Variants in GAB2 observed in about 807,000 individuals in gnomAD.
GAB2 encodes the protein GRB2 associated binding protein 2.
Under a neutral mutation model 65.5 loss-of-function variants are expected in GAB2, and 26 were observed. The ratio of observed to expected loss-of-function variants is 0.40; its 90% CI spans 0.29 to 0.55. GAB2 has a LOEUF of 0.55. GAB2 is among the 20% of genes least tolerant of loss of function. The pLI, the probability that GAB2 is intolerant of heterozygous loss-of-function variation, is 0.53. For missense variants in GAB2, 884 were observed against 875.8 expected (o/e 1.01, Z -0.12); for synonymous variants, 321 against 329.6 (o/e 0.97, Z 0.28).
At chr11:78,324,630 C>G (rs749957742) in intron 1 of GAB2, 1 of 152,156 alleles carries the variant, frequency 6.6e-6, no homozygotes, top group Non-Finnish European at 1.5e-5. Context: ...ATGCTAGATG[C>G]CATGCTAAGT....
chr11:78,356,827 A>C (rs930826910), intron 1 of GAB2, among the ~76,000 whole-genome samples: 3 of 152,250 alleles, frequency 2.0e-5, no homozygotes, highest in Non-Finnish European at 4.4e-5. Flanking sequence ...CCTTAAAAGG[A>C]ATGGCATTCT....
intron 1 of GAB2, among the ~76,000 whole-genome samples, chr11:78,350,491 C>T (rs1211852412): frequency 6.6e-6 from 1 of 152,230 alleles, no homozygotes; most frequent in Non-Finnish European, 1.5e-5. Context: ...GATTGCTCTG[C>T]TGCCTGTTTA....
At chr11:78,391,934 G>C (rs1449853163) in intron 1 of GAB2, among the ~76,000 whole-genome samples, 2 of 152,162 alleles carry the variant, frequency 1.3e-5, no homozygotes, top group Admixed American at 1.3e-4. Flanking sequence ...CAGAGAAGCA[G>C]ACAGCTATAG....
chr11:78,369,021 C>T (rs1856534133), intron 1 of GAB2, among the ~76,000 whole-genome samples: 1 of 150,828 alleles, frequency 6.6e-6, no homozygotes, highest in South Asian at 2.1e-4. Context: ...GCCTGTAGTC[C>T]CAGCTACTCA....
In GAB2 at chr11:78,227,261, T is replaced by C. The variant is rs115307011; in HGVS notation, c.621-210A>G. 8.7e-3 allele frequency among the ~76,000 whole-genome samples: 1,322 copies of C among 152,292 alleles called. 19 individuals carry two copies. The highest frequency in any genetic ancestry group is 0.03 in the African/African-American group (1,256 of 41,560). On this transcript the variant is annotated intron_variant, in intron 3 of 9. Coordinates refer to ENST00000361507, the MANE Select transcript of GAB2 (RefSeq NM_080491.3). ...TCCCCCATCTCCAAATGGCAGTTAA[T>C]AGCAGGGGTTATAACCCCCACTCCC...
chr11:78,285,578 G>A (rs571656872), intron 1 of GAB2, among the ~76,000 whole-genome samples: 1 of 152,256 alleles, frequency 6.6e-6, no homozygotes, highest in African/African-American at 2.4e-5. Flanking sequence ...CGATTCTCCC[G>A]CCTCCGCCTC....
chr11:78,336,049 C>T (rs1020783619), intron 1 of GAB2, among the ~76,000 whole-genome samples: 4 of 151,940 alleles, frequency 2.6e-5, no homozygotes, highest in African/African-American at 9.7e-5. Flanking sequence ...CATGGTGGCT[C>T]ACACCTGCAA....
At chr11:78,270,949 A>G (rs533605181) in intron 2 of GAB2, among the ~76,000 whole-genome samples, 1 of 152,322 alleles carries the variant, frequency 6.6e-6, no homozygotes, top group Admixed American at 6.5e-5. Flanking sequence ...CAATGTTGAG[A>G]CTCAAGTGCA....
chr11:78,221,530 G>A, intron 8 of GAB2, 147 bp downstream of exon 8: 1 of 456,376 alleles, frequency 2.2e-6, no homozygotes, highest in South Asian at 3.8e-5. Flanking sequence ...AGGTGCTCAA[G>A]AAGGGTTTGT....
At chr11:78,365,336 T>A (rs1474425402) in intron 1 of GAB2, among the ~76,000 whole-genome samples, 1 of 152,218 alleles carries the variant, frequency 6.6e-6, no homozygotes, top group Non-Finnish European at 1.5e-5. Flanking sequence ...TCCCTTCTCC[T>A]TCTGCAGTGA....
At chr11:78,332,152 C>T (rs546973637) in intron 1 of GAB2, among the ~76,000 whole-genome samples, 147 of 152,086 alleles carry the variant, frequency 9.7e-4, no homozygotes, top group Middle Eastern at 9.5e-3. Context: ...TGACACAAGG[C>T]GGGAGGAAGA....
intron 2 of GAB2, among the ~76,000 whole-genome samples, chr11:78,266,492 C>CG (rs1477970010): frequency 6.6e-6 from 1 of 152,148 alleles, no homozygotes; most frequent in African/African-American, 2.4e-5. Context: ...CAGGAATACC[C>CG]GGAGTTGATT....
At position 78,227,022 on chromosome 11, in the gene GAB2, G is replaced by C. The variant is rs894008712; in HGVS notation, c.650C>G (p.Ala217Gly). The stretch of plus-strand genomic sequence containing the variant: ...TGTGTCACTCCTCATGAGAAAAGAG[G>C]CTCTGGTGCCCTGAGAGAAGCTGGC... ...RSASFSQGTRASFLMRSDTAV... is the reference protein window; with the variant it reads ...RSASFSQGTRGSFLMRSDTAV... Residue 217 changes from alanine (A) to glycine (G), a missense_variant, in exon 4 of 10, where the codon GCC (alanine) becomes GGC (glycine). Transcript: ENST00000361507. 12 of 1,612,424 alleles carry C rather than the reference G, an allele frequency of 7.4e-6. No homozygotes were observed. Among genetic ancestry groups the C allele is most frequent in the South Asian group, 1.1e-5 (1 of 91,070 alleles).
intron 2 of GAB2, among the ~76,000 whole-genome samples, chr11:78,279,963 T>C (rs1317367361): frequency 1.3e-5 from 2 of 152,148 alleles, no homozygotes; most frequent in African/African-American, 2.4e-5. Context: ...TCTTCAACCA[T>C]CCCAGAGAGT....
intron 2 of GAB2, among the ~76,000 whole-genome samples, chr11:78,263,654 A>AAAT (rs61150482): frequency 6.6e-6 from 1 of 150,902 alleles, no homozygotes; most frequent in African/African-American, 2.4e-5. Context: ...AAAAAAAAAA[A>AAAT]TCAACAGTCT....
chr11:78,388,941 G>C (rs1277339887), intron 1 of GAB2, among the ~76,000 whole-genome samples: 2 of 152,134 alleles, frequency 1.3e-5, no homozygotes, highest in East Asian at 3.8e-4. Flanking sequence ...AATGAACTAG[G>C]GATGTATTGG....
intron 1 of GAB2, among the ~76,000 whole-genome samples, chr11:78,389,141 G>A (rs887381192): frequency 6.6e-6 from 1 of 152,116 alleles, no homozygotes; most frequent in African/African-American, 2.4e-5. Context: ...CTAGTTTCTT[G>A]GCAGAATGTA....
At chr11:78,346,085 C>T (rs150204529) in intron 1 of GAB2, among the ~76,000 whole-genome samples, 169 of 152,276 alleles carry the variant, frequency 1.1e-3, no homozygotes, top group Middle Eastern at 6.8e-3. Flanking sequence ...ACAGAGTTTG[C>T]TTACAGAGAC....
intron 1 of GAB2, among the ~76,000 whole-genome samples, chr11:78,409,613 T>C (rs753316621): frequency 2.0e-5 from 3 of 151,848 alleles, no homozygotes; most frequent in African/African-American, 4.8e-5. Flanking sequence ...AAATAAAATA[T>C]GTGAAACAAA....
Sources: allele counts gnomAD v4.1 joint callset (sites outside exome capture counted in the v4.1 genomes callset), GRCh38; gene constraint gnomAD v4.1.1; transcripts MANE v1.5; gene names NCBI Gene and HGNC (gene_info 2026-07-23, HGNC 2026-07-21).